MASP2: variants seen among roughly 807,000 people sequenced by gnomAD.
The protein encoded by MASP2 is MBL associated serine protease 2.
A neutral mutation model predicts 57.1 loss-of-function variants in MASP2; 49 were observed. The observed-to-expected ratio is 0.86, with a 90% confidence interval of 0.68 to 1.09. The LOEUF is 1.09. Ranked by LOEUF, MASP2 falls within the 50% of genes least tolerant of loss-of-function variation. The pLI is 0.00. For missense variants in MASP2, 900 were observed against 874.8 expected, an observed-to-expected ratio of 1.03 and a Z score of -0.36; for synonymous variants, 379 against 340.8, an observed-to-expected ratio of 1.11 and a Z score of -1.24.
At chr1:11,033,926 GACACACAC>G (rs762078074) in intron 8 of MASP2, among the ~76,000 whole-genome samples, 9 of 140,118 alleles carry the variant, frequency 6.4e-5, no homozygotes, top group South Asian at 4.7e-4. Context: ...GTGAGACTCC[GACACACAC>G]ACACACACAC....
At position 11,043,545 on chromosome 1, in the gene MASP2, G is replaced by A. The variant is rs1194078146; in HGVS notation, c.545-10C>T. ...TGGCCGGAGCACAGGGCTGGAAGGA[G>A]GGAAGGCAGGGGAGTGACTTGGCGT... On this transcript the variant is annotated splice_polypyrimidine_tract_variant and intron_variant, in intron 4 of 10. Coordinates refer to ENST00000400897, the MANE Select transcript of MASP2 (RefSeq NM_006610.4). 2 of 1,582,036 alleles carry A rather than the reference G, an allele frequency of 1.3e-6. No homozygotes were observed. Among genetic ancestry groups the A allele is most frequent in the South Asian group, 2.3e-5 (2 of 87,026 alleles).
chr1:11,027,595 C>T lies in MASP2; in HGVS notation c.1351G>A (p.Ala451Thr), dbSNP rs754534179. 6 of 1,614,134 alleles carry T rather than the reference C, an allele frequency of 3.7e-6. No homozygotes were observed. In the South Asian group the frequency reaches 5.5e-5, roughly 15 times the overall value. ...TGGRIYGGQKAKPGDFPWQVL... is the reference protein window; with the variant it reads ...TGGRIYGGQKTKPGDFPWQVL... ...TGCCAAGGAAAATCACCAGGTTTTG[C>T]CTTTTGCCCTCCATATATACGCCCT... The change falls in exon 11 of 11, where the codon GCA becomes ACA. Residue 451 changes from alanine to threonine, a missense_variant. Coordinates refer to ENST00000400897, the MANE Select transcript of MASP2 (RefSeq NM_006610.4).
intron 6 of MASP2, among the ~76,000 whole-genome samples, chr1:11,039,865 AGGAT>A (rs754881060): frequency 0.077 from 9,623 of 125,000 alleles, 740 homozygotes; most frequent in African/African-American, 0.2. Context: ...GGTGGATAGA[AGGAT>A]GGATGGATGG....
chr1:11,033,608 G>A (rs1216972391), intron 8 of MASP2, among the ~76,000 whole-genome samples: 5 of 151,466 alleles, frequency 3.3e-5, no homozygotes, highest in Middle Eastern at 3.2e-3. Flanking sequence ...TTGCACCACC[G>A]CACTCCAGCC....
intron 6 of MASP2, among the ~76,000 whole-genome samples, chr1:11,038,358 A>C (rs566928146): frequency 1.3e-5 from 2 of 152,312 alleles, no homozygotes; most frequent in East Asian, 3.9e-4. Context: ...AGCTGTAATC[A>C]ACCCTCACAG....
At chr1:11,044,903 T>C in intron 4 of MASP2, 2 of 1,597,496 alleles carry the variant, frequency 1.3e-6, no homozygotes, top group South Asian at 2.3e-5. Flanking sequence ...TGGCTCTGGC[T>C]TCTGACCTGC....
chr1:11,037,799 G>C lies in MASP2; in HGVS notation c.902C>G (p.Pro301Arg), dbSNP rs753464260. Residue 301 changes from proline (P) to arginine (R), a missense_variant, in exon 7 of 11, where the codon CCT becomes CGT. By Grantham distance (103) the Pro-to-Arg change is moderately radical. Coordinates refer to ENST00000400897, the MANE Select transcript of MASP2 (RefSeq NM_006610.4). ...IHYTSTAQPC[P>R]YPMAPPNGHV... ...GCCATTAGGTGGCGCCATCGGATAA[G>C]GGCAAGGCTGCGCTGCGCAGAGGAA... 3 of 1,609,646 alleles carry C rather than the reference G, an allele frequency of 1.9e-6. No individual in the cohort carries two copies. The highest frequency in any genetic ancestry group is 2.5e-6 in the Non-Finnish European group (3 of 1,177,696).
chr1:11,030,953 G>A (rs958609027), intron 8 of MASP2, 71 bp from the exon 9 acceptor site: 5 of 1,517,458 alleles, frequency 3.3e-6, no homozygotes, highest in Non-Finnish European at 4.5e-6. Context: ...GTCTGGAGAA[G>A]CACCTTTGGG....
intron 8 of MASP2, among the ~76,000 whole-genome samples, 167 bp from the exon 9 acceptor site, chr1:11,031,049 A>G (rs541986071): frequency 3.0e-4 from 45 of 151,950 alleles, no homozygotes; most frequent in Non-Finnish European, 5.9e-4. Flanking sequence ...CGAAAGGTTA[A>G]AAAGCCGAGC....
Position 11,027,537 on chromosome 1 carries a change from C to T in MASP2, c.1409G>A (p.Gly470Asp). The change falls in exon 11 of 11, where the codon GGT becomes GAT. Residue 470 changes from glycine (G) to aspartate (D), a missense_variant. Transcript: ENST00000400897. ...VLILGGTTAA[G>D]ALLYDNWVLT... The stretch of plus-strand genomic sequence containing the variant: ...GACCCAGTTGTCATATAAAAGTGCA[C>T]CTGCTGCTGTGGTTCCACCTAATAT... The T allele has an allele frequency of 6.2e-7, 1 of 1,614,150 alleles. No homozygotes were observed. The highest frequency in any genetic ancestry group is 8.5e-7 in the Non-Finnish European group (1 of 1,180,026).
In MASP2 at chr1:11,027,034, C is replaced by G. The variant is rs765574358; in HGVS notation, c.1912G>C (p.Val638Leu). The G allele has an allele frequency of 7.5e-6, 12 of 1,596,978 alleles. No individual in the cohort carries two copies. Among genetic ancestry groups the G allele is most frequent in the Non-Finnish European group, 8.5e-7 (1 of 1,171,908 alleles). ...SCRGDSGGAL[V>L]FLDSETERWF... ...CTCTCTGTTTCACTATCTAGAAACA[C>G]CAGTGCCCCTCCGCTGTCACCTCTG... The change falls in exon 11 of 11, where the codon GTG (valine) becomes CTG (leucine). Residue 638 changes from valine to leucine, a missense_variant. Transcript: ENST00000400897.
At chr1:11,029,391 T>C (rs1001766989) in intron 10 of MASP2, among the ~76,000 whole-genome samples, 2 of 150,906 alleles carry the variant, frequency 1.3e-5, no homozygotes, top group Non-Finnish European at 2.9e-5. Context: ...GAGAGCGAGA[T>C]TCCGTCTCAA....
At chr1:11,041,785 G>A (rs1295118669) in intron 6 of MASP2, among the ~76,000 whole-genome samples, 2 of 151,762 alleles carry the variant, frequency 1.3e-5, no homozygotes, top group Non-Finnish European at 2.9e-5. Context: ...TGGATGGATG[G>A]ATGGATGGAT....
At chr1:11,028,845 C>T (rs1245355521) in intron 10 of MASP2, among the ~76,000 whole-genome samples, 2 of 151,362 alleles carry the variant, frequency 1.3e-5, no homozygotes, top group Non-Finnish European at 2.9e-5. Flanking sequence ...TCCTGAGTAG[C>T]TGGGACTACA....
intron 6 of MASP2, among the ~76,000 whole-genome samples, chr1:11,040,923 G>A (rs1638405264): frequency 6.7e-6 from 1 of 150,146 alleles, no homozygotes; most frequent in South Asian, 2.1e-4. Context: ...GGATTGGTAA[G>A]TAGAAGGATG....
In MASP2 at chr1:11,037,733, CTG is replaced by C. The variant is rs2100889216; in HGVS notation, c.966_967del (p.Asp322GlufsTer11). The C allele has an allele frequency of 2.5e-6, 4 of 1,612,886 alleles. No homozygotes were observed. The highest frequency in any genetic ancestry group is 4.5e-5 in the East Asian group (2 of 44,826). ...GCCAGTCTCGCAAAAGATGGAGAAG[CTG>C]TCTTTCAGGATGTATTTGGCTTGCA... is the stretch of plus-strand genomic sequence containing the variant. On this transcript the variant is annotated frameshift_variant, in exon 7 of 11. Transcript: ENST00000400897. LOFTEE classifies it high-confidence loss of function.
At chr1:11,044,782 G>C in intron 4 of MASP2, 1 of 1,379,456 alleles carries the variant, frequency 7.2e-7, no homozygotes, top group Non-Finnish European at 9.6e-7. Flanking sequence ...CCACCCCAGA[G>C]ACACGTGGCA....
chr1:11,030,872 A>G lies in MASP2; in HGVS notation c.1098T>C (p.Cys366=). Residue 366 remains cysteine, a synonymous_variant, in exon 9 of 11, where the codon TGT becomes TGC. Coordinates refer to ENST00000400897, the MANE Select transcript of MASP2 (RefSeq NM_006610.4). Reference sequence around the variant, plus strand: ...CACTGGGTAGATCATCAGGAGGGCCACAGTCAACAACTAAGAAAGAAGCAT... The same window carrying G: ...CACTGGGTAGATCATCAGGAGGGCCGCAGTCAACAACTAAGAAAGAAGCAT... ...RPMPACSIVD[C]GPPDDLPSGR... 4 of 1,612,056 alleles carry G rather than the reference A, an allele frequency of 2.5e-6. No individual in the cohort carries two copies. Among genetic ancestry groups the G allele is most frequent in the South Asian group, 1.1e-5 (1 of 90,818 alleles).
At chr1:11,037,002 A>G (rs1045621016) in intron 7 of MASP2, among the ~76,000 whole-genome samples, 2 of 152,132 alleles carry the variant, frequency 1.3e-5, no homozygotes, top group African/African-American at 4.8e-5. Flanking sequence ...CAGCCACTTC[A>G]CAAAGAGCTG....
Sources: allele counts gnomAD v4.1 joint callset (sites outside exome capture counted in the v4.1 genomes callset), GRCh38; gene constraint gnomAD v4.1.1; transcripts MANE v1.5; gene names NCBI Gene and HGNC (gene_info 2026-07-23, HGNC 2026-07-21).